The following MALSU1 variants were observed in gnomAD, a reference collection of about 807,000 sequenced individuals.
MALSU1 encodes mitochondrial assembly of ribosomal large subunit 1, also known as mitochondrial assembly of ribosomal large subunit protein 1.
Under a neutral mutation model 22.1 loss-of-function variants are expected in MALSU1, and 22 were observed. The observed-to-expected ratio is 1.00, with a 90% CI of 0.71 to 1.42. The LOEUF is 1.42. Ranked by LOEUF, MALSU1 falls within the 40% of genes most tolerant of loss-of-function variation. The pLI, the probability that MALSU1 is intolerant of heterozygous loss-of-function variation, is 0.00. For missense variants in MALSU1, 379 were observed against 308.3 expected (o/e 1.23, Z -1.72); for synonymous variants, 153 against 118.5 (o/e 1.29, Z -1.89).
intron 2 of MALSU1, among the ~76,000 whole-genome samples, chr7:23,305,524 C>T (rs146408557): frequency 0.03 from 4,536 of 151,898 alleles, 210 homozygotes; most frequent in African/African-American, 0.097. Flanking sequence ...TACAGGTGCC[C>T]GCCACCATGC....
At chr7:23,305,984 C>T (rs961022839) in intron 2 of MALSU1, among the ~76,000 whole-genome samples, 1 of 152,060 alleles carries the variant, frequency 6.6e-6, no homozygotes, top group African/African-American at 2.4e-5. Context: ...CACCTGAGAT[C>T]GGGAGTTCAA....
At chr7:23,299,829 C>T (rs537584799) in intron 1 of MALSU1, among the ~76,000 whole-genome samples, 165 of 152,270 alleles carry the variant, frequency 1.1e-3, no homozygotes, top group Non-Finnish European at 2.1e-3. Flanking sequence ...ATCCCAGCCT[C>T]CCGGACGGCC....
Position 23,300,985 on chromosome 7 carries a change from T to G in MALSU1, c.403T>G (p.Leu135Val), listed in dbSNP as rs1460021024. ...TGTTAGTGGAACTTCTACCCGACAC[T>G]TACATGCCATGGCCTTCTACGTTGT... is the stretch of plus-strand genomic sequence containing the variant. Reference protein sequence around the residue: ...VIVSGTSTRHLHAMAFYVVKM... With the variant: ...VIVSGTSTRHVHAMAFYVVKM... Residue 135 changes from leucine (L) to valine (V), a missense_variant, in exon 2 of 4, where the codon TTA (leucine) becomes GTA (valine). By Grantham distance (32) the Leu-to-Val change is conservative. Transcript: ENST00000466681. The G allele has an allele frequency of 6.2e-7, 1 of 1,614,048 alleles. No homozygotes were observed. Among genetic ancestry groups the G allele is most frequent in the East Asian group, 2.2e-5 (1 of 44,866 alleles).
In MALSU1 at chr7:23,299,436, T is replaced by G. The variant is rs778823054; in HGVS notation, c.84T>G (p.Val28=). The G allele has an allele frequency of 2.7e-5, 44 of 1,604,784 alleles. 1 individual carries two copies. The South Asian group carries it at 4.7e-4, about 17-fold the overall frequency. Residue 28 remains valine (V), a synonymous_variant, in exon 1 of 4, where the codon GTT becomes GTG. Transcript: ENST00000466681. The stretch of plus-strand genomic sequence containing the variant: ...TTTCCTCGGTGGCGGGGTCCGCGGT[T>G]GGAGCCGAGCCCGGGCTTCGGCTGC... ...RAVSSVAGSA[V]GAEPGLRLLA...
chr7:23,302,544 A>G (rs973130536), intron 2 of MALSU1, among the ~76,000 whole-genome samples: 2 of 152,206 alleles, frequency 1.3e-5, no homozygotes, highest in African/African-American at 4.8e-5. Context: ...TAAAGAAGAG[A>G]TATACAAAGA....
At position 23,305,132 on chromosome 7, in the gene MALSU1, A is replaced by G. The variant is rs573216801; in HGVS notation, c.436-2736A>G. ...TTTCCATGTGGACATTTCCTCAGCA[A>G]CGTTTGTTGGAAGGACTGTCCTTTG... On this transcript the variant is annotated intron_variant, in intron 2 of 3. Transcript: ENST00000466681. Among the ~76,000 whole-genome samples the G allele has an allele frequency of 1.2e-3, 178 of 152,308 alleles. 7 individuals are homozygous for G. The South Asian group carries it at 0.036, about 31-fold the overall frequency.
intron 2 of MALSU1, among the ~76,000 whole-genome samples, chr7:23,306,443 T>A (rs1380631492): frequency 6.6e-6 from 1 of 151,504 alleles, no homozygotes; most frequent in Non-Finnish European, 1.5e-5. Flanking sequence ...TTTTTTTTTA[T>A]TGACGAATTG....
At chr7:23,299,841 T>TCCCACCCAC (rs1562655055) in intron 1 of MALSU1, among the ~76,000 whole-genome samples, 4 of 151,852 alleles carry the variant, frequency 2.6e-5, no homozygotes, top group Non-Finnish European at 4.4e-5. Flanking sequence ...CGGACGGCCA[T>TCCCACCCAC]CTCCCACCCT....
At chr7:23,307,688 A>T (rs559558297) in intron 2 of MALSU1, 180 bp from the exon 3 acceptor site, 20 of 535,078 alleles carry the variant, frequency 3.7e-5, no homozygotes, top group Non-Finnish European at 6.3e-5. Context: ...GTGAAAGTGA[A>T]TAAGATTTAG....
At chr7:23,301,442 T>C (rs1783646697) in intron 2 of MALSU1, among the ~76,000 whole-genome samples, 1 of 152,118 alleles carries the variant, frequency 6.6e-6, no homozygotes, top group Non-Finnish European at 1.5e-5. Flanking sequence ...GTATTTTTAG[T>C]AGAGACGGGT....
At chr7:23,301,207 C>T in intron 2 of MALSU1, 190 bp downstream of exon 2, 1 of 539,764 alleles carries the variant, frequency 1.9e-6, no homozygotes, top group East Asian at 2.9e-5. Context: ...ATATCCAGCC[C>T]TATTGAGTTA....
chr7:23,303,440 A>G (rs1341340321), intron 2 of MALSU1, among the ~76,000 whole-genome samples: 4 of 152,188 alleles, frequency 2.6e-5, no homozygotes, highest in Non-Finnish European at 4.4e-5. Context: ...ATTGATGGAC[A>G]CTTAGATTGC....
chr7:23,309,382 C>T lies in MALSU1; in HGVS notation c.544C>T (p.Pro182Ser). 2.5e-6 allele frequency: 4 copies of T among 1,611,864 alleles called. No homozygotes were observed. The highest frequency in any genetic ancestry group is 3.4e-6 in the Non-Finnish European group (4 of 1,179,316). ...CAGCATGGTGATTCATTTGATGCTT[C>T]CAGAAACCAGAGAAATCTATGAATT... ...FGSMVIHLML[P>S]ETREIYELEK... Residue 182 changes from proline to serine, a missense_variant, in exon 4 of 4, where the codon CCA (proline) becomes TCA (serine). Transcript: ENST00000466681.
intron 2 of MALSU1, among the ~76,000 whole-genome samples, chr7:23,303,157 T>A (rs981444113): frequency 1.3e-5 from 2 of 152,214 alleles, no homozygotes; most frequent in East Asian, 3.8e-4. Flanking sequence ...AATTTTTTCA[T>A]TTTGCAAAAA....
intron 2 of MALSU1, chr7:23,307,541 TG>T: frequency 4.6e-6 from 1 of 215,806 alleles, no homozygotes; most frequent in Non-Finnish European, 9.1e-6. Context: ...GAAGGAAAGC[TG>T]GGATGAACAC....
chr7:23,304,036 G>A (rs139047398), intron 2 of MALSU1, among the ~76,000 whole-genome samples: 266 of 151,912 alleles, frequency 1.8e-3, no homozygotes, highest in African/African-American at 5.7e-3. Context: ...AACCTGGGAG[G>A]TGGAGGTTGC....
Position 23,309,398 on chromosome 7 carries a change from T to C in MALSU1, c.560T>C (p.Ile187Thr). The C allele has an allele frequency of 6.2e-7, 1 of 1,613,176 alleles. No homozygotes were observed. The highest frequency in any genetic ancestry group is 8.5e-7 in the Non-Finnish European group (1 of 1,179,720). The change falls in exon 4 of 4, where the codon ATC (isoleucine) becomes ACC (threonine). Residue 187 changes from isoleucine to threonine, a missense_variant. By Grantham distance (89) the Ile-to-Thr change is moderately conservative (BLOSUM62 -1). Transcript: ENST00000466681. ...IHLMLPETRE[I>T]YELEKLWTLR... ...TTGATGCTTCCAGAAACCAGAGAAATCTATGAATTAGAGAAATTATGGACC... is the reference window on the plus strand; with the variant it reads ...TTGATGCTTCCAGAAACCAGAGAAACCTATGAATTAGAGAAATTATGGACC...
chr7:23,309,093 T>C (rs900393752), intron 3 of MALSU1, among the ~76,000 whole-genome samples: 49 of 152,286 alleles, frequency 3.2e-4, no homozygotes, highest in African/African-American at 1.2e-3. Flanking sequence ...CCGAAGAGAA[T>C]CCTGACACCA....
intron 2 of MALSU1, chr7:23,301,337 C>T (rs564104437): frequency 4.9e-5 from 9 of 184,494 alleles, no homozygotes; most frequent in Middle Eastern, 2.4e-3. Flanking sequence ...CTCTGCTCAC[C>T]GCAACCTCCG....
Sources: gnomAD v4.1 joint callset for allele counts (sites outside exome capture counted in the v4.1 genomes callset) on GRCh38, gnomAD v4.1.1 for gene constraint, MANE v1.5 for transcripts, NCBI Gene and HGNC (gene_info 2026-07-23, HGNC 2026-07-21) for gene names.